Variants in WDR37 observed in about 807,000 individuals in gnomAD.
WDR37 encodes the protein WD repeat-containing protein 37.
A neutral mutation model predicts 62.9 loss-of-function variants in WDR37; 19 were observed. That is an observed-to-expected ratio of 0.30 (90% CI 0.21 to 0.44). The LOEUF is 0.44. Among genes scored for constraint, WDR37 ranks in the 20% least tolerant of loss-of-function variants. WDR37 has a pLI of 1.00. For missense variants in WDR37, 474 were observed against 657.6 expected, an observed-to-expected ratio of 0.72 and a Z score of 3.05; for synonymous variants, 250 against 260.9, an observed-to-expected ratio of 0.96 and a Z score of 0.40.
intron 3 of WDR37, 95 bp from the exon 4 acceptor site, chr10:1,079,916 A>G: frequency 2.2e-6 from 2 of 913,118 alleles, no homozygotes; most frequent in Non-Finnish European, 3.4e-6. Flanking sequence ...TAACACTAAT[A>G]TATAGCATTT....
intron 11 of WDR37, among the ~76,000 whole-genome samples, chr10:1,110,424 C>G (rs1835176201): frequency 6.6e-6 from 1 of 152,216 alleles, no homozygotes; most frequent in Middle Eastern, 3.2e-3. Context: ...TTGCCTTTGT[C>G]TCCGGCATGG....
At chr10:1,062,603 C>T (rs1007390882) in intron 1 of WDR37, among the ~76,000 whole-genome samples, 2 of 152,244 alleles carry the variant, frequency 1.3e-5, no homozygotes, top group African/African-American at 4.8e-5. Context: ...ACAAAACATA[C>T]TCCATAAACT....
At chr10:1,126,376 A>C (rs979720439) in intron 13 of WDR37, among the ~76,000 whole-genome samples, 6 of 148,598 alleles carry the variant, frequency 4.0e-5, no homozygotes, top group South Asian at 2.1e-4. Flanking sequence ...ACTGCACTCC[A>C]GCCTGGGCGA....
intron 11 of WDR37, among the ~76,000 whole-genome samples, chr10:1,111,226 G>T (rs1835208570): frequency 6.6e-6 from 1 of 152,186 alleles, no homozygotes; most frequent in Non-Finnish European, 1.5e-5. Context: ...AAATTCTTTA[G>T]TATAGTATGT....
At chr10:1,069,363 T>A (rs1482748081) in intron 1 of WDR37, among the ~76,000 whole-genome samples, 1 of 111,594 alleles carries the variant, frequency 9.0e-6, no homozygotes, top group Non-Finnish European at 1.8e-5. Context: ...GTAAAAAAAT[T>A]GGAAAGAATA....
chr10:1,114,918 G>A (rs1440804856), intron 11 of WDR37, among the ~76,000 whole-genome samples: 1 of 152,224 alleles, frequency 6.6e-6, no homozygotes, highest in African/African-American at 2.4e-5. Flanking sequence ...GCCTGCAAGA[G>A]GCTTTTGCTG....
intron 7 of WDR37, among the ~76,000 whole-genome samples, chr10:1,087,152 C>T (rs1834228565): frequency 6.6e-6 from 1 of 152,260 alleles, no homozygotes; most frequent in Admixed American, 6.5e-5. Flanking sequence ...GTCACAGTGT[C>T]TTCTCTTTCT....
At position 1,086,344 on chromosome 10, in the gene WDR37, C is replaced by T. The variant is rs1341320614; in HGVS notation, c.591C>T (p.Gly197=). ...ETGKCLVKYA[G]HVGSVNSIKF... Reference sequence around the variant, plus strand: ...GGAAGTGCCTAGTCAAGTACGCAGGCCACGTGGGCTCAGGTAAGCACTGCC... The same window carrying T: ...GGAAGTGCCTAGTCAAGTACGCAGGTCACGTGGGCTCAGGTAAGCACTGCC... The change falls in exon 7 of 14, where the codon GGC becomes GGT. Residue 197 remains glycine (G), a synonymous_variant. Coordinates refer to ENST00000263150, the MANE Select transcript of WDR37 (RefSeq NM_014023.4). The T allele has an allele frequency of 6.2e-7, 1 of 1,614,058 alleles. No individual in the cohort carries two copies. The highest frequency in any genetic ancestry group is 1.7e-5 in the Admixed American group (1 of 60,028).
At chr10:1,107,770 C>A (rs1360785774) in intron 11 of WDR37, among the ~76,000 whole-genome samples, 1 of 151,164 alleles carries the variant, frequency 6.6e-6, no homozygotes, top group Admixed American at 6.6e-5. Context: ...CACGCACTAC[C>A]CTGTCACCTA....
chr10:1,095,662 C>T (rs1401071372), intron 8 of WDR37, among the ~76,000 whole-genome samples: 1 of 152,184 alleles, frequency 6.6e-6, no homozygotes, highest in Non-Finnish European at 1.5e-5. Flanking sequence ...TCTTTCCAAT[C>T]CTCAGTCAAA....
chr10:1,086,255 A>G, intron 6 of WDR37, 31 bp from the exon 7 acceptor site: 1 of 1,591,946 alleles, frequency 6.3e-7, no homozygotes, highest in Non-Finnish European at 8.6e-7. Flanking sequence ...GATGATAGCT[A>G]AGTTCCGACT....
chr10:1,078,644 A>T (rs544596317), intron 3 of WDR37, among the ~76,000 whole-genome samples: 1 of 152,172 alleles, frequency 6.6e-6, no homozygotes, highest in Non-Finnish European at 1.5e-5. Flanking sequence ...GCGCTGCTCT[A>T]TTACTTTCCA....
intron 1 of WDR37, among the ~76,000 whole-genome samples, chr10:1,067,839 A>G (rs1833599874): frequency 6.6e-6 from 1 of 152,168 alleles, no homozygotes; most frequent in East Asian, 1.9e-4. Flanking sequence ...GGATGACTAG[A>G]TAAATAAAAT....
Position 1,061,738 on chromosome 10 carries a change from C to T in WDR37, c.-41+4770C>T, listed in dbSNP as rs529167986. ...CCTGTAATTCCAGCTACTTGGGAGGCTGAGGCAGGAGAATTGCTGGAACCT... is the reference window on the plus strand; with the variant it reads ...CCTGTAATTCCAGCTACTTGGGAGGTTGAGGCAGGAGAATTGCTGGAACCT... On this transcript the variant is annotated intron_variant, in intron 1 of 13. Coordinates refer to ENST00000263150, the MANE Select transcript of WDR37 (RefSeq NM_014023.4). 2.0e-5 allele frequency among the ~76,000 whole-genome samples: 3 copies of T among 151,770 alleles called. No homozygotes were observed. The South Asian group carries it at 6.2e-4, about 32-fold the overall frequency.
intron 6 of WDR37, 137 bp from the exon 7 acceptor site, chr10:1,086,149 A>G (rs1208156613): frequency 5.9e-6 from 4 of 674,614 alleles, no homozygotes; most frequent in Non-Finnish European, 1.0e-5. Context: ...AAGCATACAG[A>G]GTAATAGAAT....
rs868289568 is a variant in WDR37 at position 1,129,117 on chromosome 10, C to T, written c.1354-96C>T. On this transcript the variant is annotated intron_variant, in intron 13 of 13. Coordinates refer to ENST00000263150, the MANE Select transcript of WDR37 (RefSeq NM_014023.4). The stretch of plus-strand genomic sequence containing the variant: ...CACCATGTTGTTTTCCTATAACTTA[C>T]GTACTTTGAGTGATGTGGTTATTCA... 464 of 1,530,990 alleles carry T rather than the reference C, an allele frequency of 3.0e-4. 2 individuals are homozygous for T. Among genetic ancestry groups the T allele is most frequent in the Middle Eastern group, 3.6e-4 (2 of 5,610 alleles). The allele number at this position is 1,530,990 out of a possible 1,614,324, so 94.8% of individuals were successfully genotyped here.
intron 8 of WDR37, among the ~76,000 whole-genome samples, chr10:1,095,317 G>A (rs1834539325): frequency 7.7e-6 from 1 of 130,588 alleles, no homozygotes; most frequent in African/African-American, 3.0e-5. Flanking sequence ...GTTAGACTGG[G>A]AATGTGAGGT....
intron 1 of WDR37, among the ~76,000 whole-genome samples, chr10:1,065,300 T>C (rs1833500923): frequency 6.6e-6 from 1 of 152,204 alleles, no homozygotes; most frequent in Admixed American, 6.5e-5. Context: ...TTGTATACTT[T>C]ATGTGAACTG....
intron 13 of WDR37, among the ~76,000 whole-genome samples, chr10:1,126,742 TG>T (rs577176465): frequency 6.6e-6 from 1 of 152,220 alleles, no homozygotes; most frequent in South Asian, 2.1e-4. Flanking sequence ...CGTGCGAAAG[TG>T]GGGGTTCTCT....
Sources: gnomAD v4.1 joint callset for allele counts (sites outside exome capture counted in the v4.1 genomes callset) on GRCh38, gnomAD v4.1.1 for gene constraint, MANE v1.5 for transcripts, NCBI Gene and HGNC (gene_info 2026-07-23, HGNC 2026-07-21) for gene names.